Variants in PREX2 observed in about 807,000 individuals in gnomAD.
The protein encoded by PREX2 is phosphatidylinositol 3,4,5-trisphosphate-dependent Rac exchanger 2 protein.
In PREX2, 107 loss-of-function variants were observed where a neutral mutation model predicts 203.2. That is an observed-to-expected ratio of 0.53 (90% CI 0.45 to 0.62). PREX2 has a LOEUF of 0.62. Among genes scored for constraint, PREX2 ranks in the 20% least tolerant of loss-of-function variants. The pLI is 0.00. For missense variants in PREX2, 1,777 were observed against 1,955.9 expected, an observed-to-expected ratio of 0.91 and a Z score of 1.72; for synonymous variants, 672 against 663.6, an observed-to-expected ratio of 1.01 and a Z score of -0.19.
In PREX2 at chr8:68,124,000, C is replaced by T. The variant is rs547431731; in HGVS notation, c.3724+2951C>T. On this transcript the variant is annotated intron_variant, in intron 30 of 39. Transcript: ENST00000288368. ...TCAGGCCAGTATTCTTTATGAACAT[C>T]AATGCAGAAATCTTCAACAAAATCC... Among the ~76,000 whole-genome samples the T allele has an allele frequency of 2.8e-4, 43 of 152,156 alleles. 1 individual carries two copies. In the East Asian group the frequency reaches 7.3e-3, roughly 26 times the overall value.
chr8:67,987,654 C>T (rs75876574), intron 1 of PREX2, among the ~76,000 whole-genome samples: 1 of 152,234 alleles, frequency 6.6e-6, no homozygotes, highest in African/African-American at 2.4e-5. Flanking sequence ...GCCTCTGGAT[C>T]TGGCCTCAAG....
chr8:68,156,807 T>C (rs564601064), intron 34 of PREX2, among the ~76,000 whole-genome samples: 2 of 152,322 alleles, frequency 1.3e-5, no homozygotes, highest in South Asian at 4.1e-4. Context: ...AAACTATCTG[T>C]GATCATCTTC....
chr8:68,106,429 A>G (rs1810414461), intron 23 of PREX2: 1 of 454,288 alleles, frequency 2.2e-6, no homozygotes, highest in Admixed American at 2.8e-5. Context: ...ATAAATTTTC[A>G]CTATCCATTA....
intron 35 of PREX2, among the ~76,000 whole-genome samples, chr8:68,184,979 A>C (rs1358054268): frequency 6.6e-6 from 1 of 152,210 alleles, no homozygotes; most frequent in Non-Finnish European, 1.5e-5. Context: ...TTCTTAAATT[A>C]GTATGTTAAC....
At chr8:67,956,140 A>C (rs1340574066) in intron 1 of PREX2, among the ~76,000 whole-genome samples, 1 of 152,204 alleles carries the variant, frequency 6.6e-6, no homozygotes, top group Admixed American at 6.5e-5. Context: ...GGGAAATGAA[A>C]TTTTGTGCTT....
At chr8:68,110,204 G>A (rs975927358) in intron 25 of PREX2, among the ~76,000 whole-genome samples, 3 of 152,108 alleles carry the variant, frequency 2.0e-5, no homozygotes, top group African/African-American at 7.2e-5. Context: ...AAATAAATCA[G>A]TTCTAATTCT....
At position 68,132,372 on chromosome 8, in the gene PREX2, T is replaced by A. The variant is rs182545011; in HGVS notation, c.3767-1687T>A. 5.9e-4 allele frequency among the ~76,000 whole-genome samples: 90 copies of A among 152,080 alleles called. 1 individual carries two copies. The East Asian group carries it at 0.017, about 29-fold the overall frequency. On this transcript the variant is annotated intron_variant, in intron 31 of 39. Coordinates refer to ENST00000288368, the MANE Select transcript of PREX2 (RefSeq NM_024870.4). ...GTAGCATGGGGCACATGTTGTTGGT[T>A]AAGTTAGTAAATTGAGCCATATGGA...
intron 34 of PREX2, among the ~76,000 whole-genome samples, chr8:68,146,812 T>C (rs555827091): frequency 6.5e-4 from 99 of 152,294 alleles, no homozygotes; most frequent in African/African-American, 2.3e-3. Flanking sequence ...GTTAAATTGA[T>C]GCTTTTAAAA....
At chr8:68,047,963 A>T (rs953576164) in intron 8 of PREX2, among the ~76,000 whole-genome samples, 1 of 152,064 alleles carries the variant, frequency 6.6e-6, no homozygotes, top group African/African-American at 2.4e-5. Context: ...GACTTGGTTT[A>T]TATCATAGTT....
At chr8:68,076,875 C>A (rs1809369142) in intron 14 of PREX2, among the ~76,000 whole-genome samples, 1 of 151,756 alleles carries the variant, frequency 6.6e-6, no homozygotes, top group Non-Finnish European at 1.5e-5. Flanking sequence ...GAAAGAGAAG[C>A]TTGTATTTGC....
At chr8:68,120,852 T>G in intron 29 of PREX2, 69 bp from the exon 30 acceptor site, 1 of 1,379,882 alleles carries the variant, frequency 7.2e-7, no homozygotes. Flanking sequence ...GAAGAAGGTT[T>G]TGAAGCCTAA....
intron 1 of PREX2, among the ~76,000 whole-genome samples, chr8:68,008,305 G>C (rs1436001973): frequency 6.6e-6 from 1 of 152,112 alleles, no homozygotes; most frequent in East Asian, 1.9e-4. Context: ...AGCACTAACC[G>C]TTTTAGTTAC....
intron 1 of PREX2, among the ~76,000 whole-genome samples, chr8:68,001,926 C>G (rs1191887625): frequency 2.6e-5 from 4 of 152,074 alleles, no homozygotes; most frequent in Admixed American, 6.6e-5. Flanking sequence ...GAAGAACAGA[C>G]ACTGGAGTCT....
At chr8:68,203,673 T>A (rs1812551948) in intron 37 of PREX2, among the ~76,000 whole-genome samples, 1 of 151,918 alleles carries the variant, frequency 6.6e-6, no homozygotes, top group South Asian at 2.1e-4. Flanking sequence ...AGAAGAAAGA[T>A]CCCCAGGCAG....
At chr8:68,045,025 G>A (rs964081853) in intron 8 of PREX2, among the ~76,000 whole-genome samples, 1 of 152,014 alleles carries the variant, frequency 6.6e-6, no homozygotes, top group African/African-American at 2.4e-5. Flanking sequence ...CATATAGACA[G>A]GTTGTCAATT....
At chr8:67,992,746 G>A (rs1280241766) in intron 1 of PREX2, among the ~76,000 whole-genome samples, 1 of 152,190 alleles carries the variant, frequency 6.6e-6, no homozygotes, top group Non-Finnish European at 1.5e-5. Flanking sequence ...TATAGCCTCT[G>A]TAGCAACGGT....
At chr8:68,195,947 G>C (rs1812386112) in intron 37 of PREX2, among the ~76,000 whole-genome samples, 1 of 152,182 alleles carries the variant, frequency 6.6e-6, no homozygotes, top group Non-Finnish European at 1.5e-5. Flanking sequence ...TAACATTAAT[G>C]TCTAGATGTT....
chr8:67,997,289 G>A (rs970988998), intron 1 of PREX2, among the ~76,000 whole-genome samples: 1 of 151,700 alleles, frequency 6.6e-6, no homozygotes, highest in Non-Finnish European at 1.5e-5. Context: ...TGGAGGAAAC[G>A]TCCCAAGACC....
intron 7 of PREX2, 73 bp from the exon 8 acceptor site, chr8:68,044,414 C>T: frequency 9.1e-7 from 1 of 1,093,156 alleles, no homozygotes; most frequent in Non-Finnish European, 1.4e-6. Flanking sequence ...AAAGAATTGC[C>T]TAAAATATAT....
Sources: allele counts gnomAD v4.1 joint callset (sites outside exome capture counted in the v4.1 genomes callset), GRCh38; gene constraint gnomAD v4.1.1; transcripts MANE v1.5; gene names NCBI Gene and HGNC (gene_info 2026-07-23, HGNC 2026-07-21).